Variants in FXR1 observed in about 807,000 individuals in gnomAD.
The protein encoded by FXR1 is RNA-binding protein FXR1.
FXR1 carries 15 observed loss-of-function variants against 84.0 expected under a neutral mutation model. That is an observed-to-expected ratio of 0.18 (90% CI 0.12 to 0.27). FXR1 has a LOEUF of 0.27. FXR1 is among the 10% of genes least tolerant of loss of function. FXR1 has a pLI of 1.00. For synonymous variants in FXR1, 245 were observed against 250.7 expected (o/e 0.98, Z 0.21); for missense variants, 480 against 774.4 (o/e 0.62, Z 4.51).
At chr3:180,929,859 T>C (rs1181320631) in intron 1 of FXR1, among the ~76,000 whole-genome samples, 1 of 152,222 alleles carries the variant, frequency 6.6e-6, no homozygotes, top group Non-Finnish European at 1.5e-5. Context: ...GGATTAGATT[T>C]TATGGAGTAG....
intron 3 of FXR1, among the ~76,000 whole-genome samples, chr3:180,943,677 A>C (rs1195083596): frequency 6.6e-6 from 1 of 152,180 alleles, no homozygotes; most frequent in Non-Finnish European, 1.5e-5. Context: ...ATTAAGTTTA[A>C]AATGGAGTTC....
At chr3:180,950,937 G>A (rs530280220) in intron 7 of FXR1, among the ~76,000 whole-genome samples, 192 of 152,168 alleles carry the variant, frequency 1.3e-3, no homozygotes, top group African/African-American at 4.3e-3. Flanking sequence ...TTGTGGCCGC[G>A]TGTGGTAGCT....
chr3:180,943,074 C>A (rs1346035048), intron 3 of FXR1, among the ~76,000 whole-genome samples: 1 of 151,946 alleles, frequency 6.6e-6, no homozygotes, highest in Non-Finnish European at 1.5e-5. Flanking sequence ...TAAAGTGATT[C>A]TCCTGCCTCA....
intron 13 of FXR1, among the ~76,000 whole-genome samples, chr3:180,967,655 GT>G (rs995379597): frequency 1.9e-4 from 28 of 146,868 alleles, no homozygotes; most frequent in African/African-American, 4.7e-4. Context: ...CTGCACATCA[GT>G]TTTTTTTTTA....
At position 180,951,287 on chromosome 3, in the gene FXR1, T is replaced by A. The variant is rs1485104919; in HGVS notation, c.631-11T>A. 1 of 1,545,296 alleles carries A rather than the reference T, an allele frequency of 6.5e-7. No individual in the cohort carries two copies. The highest frequency in any genetic ancestry group is 8.9e-7 in the Non-Finnish European group (1 of 1,129,280). Reference sequence around the variant, plus strand: ...TGATCTTTTATATTACTAATTTTCCTTTTTTATTAGTGCACAAAACAACTT... The same window carrying A: ...TGATCTTTTATATTACTAATTTTCCATTTTTATTAGTGCACAAAACAACTT... On this transcript the variant is annotated splice_polypyrimidine_tract_variant and intron_variant, in intron 7 of 16. Transcript: ENST00000357559.
chr3:180,916,421 T>C (rs1183603576), intron 1 of FXR1, among the ~76,000 whole-genome samples: 2 of 152,236 alleles, frequency 1.3e-5, no homozygotes, highest in Non-Finnish European at 2.9e-5. Context: ...TGAGACAGAA[T>C]CTTGCTCTTT....
intron 7 of FXR1, 25 bp from the exon 8 acceptor site, chr3:180,951,273 A>G: frequency 1.4e-6 from 2 of 1,441,058 alleles, no homozygotes; most frequent in Middle Eastern, 1.8e-4. Flanking sequence ...GATCTTTTAT[A>G]TTACTAATTT....
At chr3:180,945,905 AGAAATACATCG>A (rs1394874523) in intron 3 of FXR1, among the ~76,000 whole-genome samples, 1 of 151,952 alleles carries the variant, frequency 6.6e-6, no homozygotes, top group African/African-American at 2.4e-5. Context: ...ACATCGTTTG[AGAAATACATCG>A]TTTGAGAAAT....
chr3:180,932,029 T>C (rs144761899), intron 1 of FXR1, among the ~76,000 whole-genome samples: 6 of 142,568 alleles, frequency 4.2e-5, no homozygotes, highest in Admixed American at 7.3e-5. Context: ...GCTTGCTTTG[T>C]TTTTTATTAC....
At chr3:180,922,539 T>C (rs1232469049) in intron 1 of FXR1, among the ~76,000 whole-genome samples, 2 of 152,196 alleles carry the variant, frequency 1.3e-5, no homozygotes, top group Admixed American at 6.5e-5. Flanking sequence ...TTGAAAATCT[T>C]TCTGTATTAT....
chr3:180,942,509 A>G (rs1721248326), intron 3 of FXR1, among the ~76,000 whole-genome samples: 1 of 149,112 alleles, frequency 6.7e-6, no homozygotes, highest in Admixed American at 6.7e-5. Flanking sequence ...GAGTTTAGAG[A>G]TTTTTTTTGA....
At chr3:180,933,907 G>GT (rs1350222852) in intron 2 of FXR1, among the ~76,000 whole-genome samples, 1 of 152,006 alleles carries the variant, frequency 6.6e-6, no homozygotes, top group Admixed American at 6.6e-5. Context: ...GGTCAGGAGT[G>GT]TGAGACAGCC....
intron 5 of FXR1, 21 bp from the exon 6 acceptor site, chr3:180,948,696 TACAC>T: frequency 8.1e-7 from 1 of 1,230,744 alleles, no homozygotes; most frequent in Non-Finnish European, 1.2e-6. Context: ...ATTGAGTTCT[TACAC>T]ATAAATTGAT....
In FXR1 at chr3:180,978,921, T is replaced by G. The variant is rs1714465656; in HGVS notation, c.*2629T>G. The stretch of plus-strand genomic sequence containing the variant: ...AAGCCTTAAAGGGGGCTACAACTTG[T>G]GCAAAATGGTGTCTCTGGTAACACT... On this transcript the variant is annotated 3_prime_UTR_variant, in exon 17 of 17. Coordinates refer to ENST00000357559, the MANE Select transcript of FXR1 (RefSeq NM_005087.4). The G allele has an allele frequency of 6.6e-6, 1 of 152,070 alleles. No individual in the cohort carries two copies. The highest frequency in any genetic ancestry group is 2.4e-5 in the African/African-American group (1 of 41,414). 9.4% of individuals were successfully genotyped at this position (152,070 alleles called of 1,614,324 possible).
chr3:180,958,611 A>T (rs1376164773), intron 10 of FXR1, among the ~76,000 whole-genome samples: 1 of 151,630 alleles, frequency 6.6e-6, no homozygotes, highest in Non-Finnish European at 1.5e-5. Context: ...TATATACCAC[A>T]TTTTTTTTGT....
At chr3:180,943,863 G>C (rs1376585051) in intron 3 of FXR1, among the ~76,000 whole-genome samples, 2 of 151,928 alleles carry the variant, frequency 1.3e-5, no homozygotes, top group African/African-American at 4.8e-5. Context: ...AGAGATATTC[G>C]AACTGCCTCT....
Position 180,912,703 on chromosome 3 carries a change from G to T in FXR1, c.18G>T (p.Val6=), listed in dbSNP as rs1344701139. The T allele has an allele frequency of 6.2e-7, 1 of 1,613,976 alleles. No homozygotes were observed. The highest frequency in any genetic ancestry group is 2.2e-5 in the East Asian group (1 of 44,848). The change falls in exon 1 of 17, where the codon GTG becomes GTT. Residue 6 remains valine (V), a synonymous_variant. Coordinates refer to ENST00000357559, the MANE Select transcript of FXR1 (RefSeq NM_005087.4). ...GTTCCAACATGGCGGAGCTGACGGT[G>T]GAGGTTCGCGGCTCTAACGGGGCTT... is the stretch of plus-strand genomic sequence containing the variant. The part of the protein sequence containing the change: MAELT[V]EVRGSNGAFY...
At position 180,981,783 on chromosome 3, in the gene FXR1, T is replaced by G. The variant is rs913938750; in HGVS notation, c.*5491T>G. ...ATAAAATGTGGAAGAATCTTCACAA[T>G]TTCAAGTTGGTCATGTATATTTCCC... On this transcript the variant is annotated 3_prime_UTR_variant, in exon 17 of 17. Transcript: ENST00000357559. 2 of 152,080 alleles carry G rather than the reference T, an allele frequency of 1.3e-5. No homozygotes were observed. Among genetic ancestry groups the G allele is most frequent in the African/African-American group, 4.8e-5 (2 of 41,442 alleles). 9.4% of individuals were successfully genotyped at this position (152,080 alleles called of 1,614,324 possible). A position where few individuals can be genotyped will look rare whatever the true frequency, so the allele number is the denominator to read the frequency against.
At position 180,923,095 on chromosome 3, in the gene FXR1, G is replaced by A. The variant is rs1718772383; in HGVS notation, c.52-10239G>A. Among the ~76,000 whole-genome samples, 3 of 152,206 alleles carry A rather than the reference G, an allele frequency of 2.0e-5. 1 individual carries two copies. In the East Asian group the frequency reaches 5.8e-4, roughly 29 times the overall value. On this transcript the variant is annotated intron_variant, in intron 1 of 16. Transcript: ENST00000357559. ...GGAGTTTTATTTTTACATTTAAATA[G>A]TACGTTAATATTTTTGCATATTTGT...
Sources: gnomAD v4.1 joint callset for allele counts (sites outside exome capture counted in the v4.1 genomes callset) on GRCh38, gnomAD v4.1.1 for gene constraint, MANE v1.5 for transcripts, NCBI Gene and HGNC (gene_info 2026-07-23, HGNC 2026-07-21) for gene names.